Variants in TMED3 observed in about 807,000 individuals in gnomAD.
TMED3 encodes the protein transmembrane p24 trafficking protein 3, also known as transmembrane emp24 domain-containing protein 3.
Under a neutral mutation model 15.0 loss-of-function variants are expected in TMED3, and 9 were observed. The ratio of observed to expected loss-of-function variants is 0.60; its 90% CI spans 0.36 to 1.04. The LOEUF is 1.04. Ranked by LOEUF, TMED3 falls within the 50% of genes least tolerant of loss-of-function variation. TMED3 has a pLI of 0.01. For missense variants in TMED3, 267 were observed against 278.9 expected (o/e 0.96, Z 0.30); for synonymous variants, 117 against 121.4 (o/e 0.96, Z 0.24).
intron 2 of TMED3, among the ~76,000 whole-genome samples, chr15:79,372,152 C>A (rs772829439): frequency 6.6e-5 from 10 of 152,194 alleles, no homozygotes; most frequent in Non-Finnish European, 1.2e-4. Flanking sequence ...TATAATTCTG[C>A]AGTGGCAGTT....
intron 2 of TMED3, among the ~76,000 whole-genome samples, chr15:79,378,879 G>A (rs912413530): frequency 2.6e-5 from 4 of 151,998 alleles, no homozygotes; most frequent in African/African-American, 9.7e-5. Flanking sequence ...TATGGAGGTG[G>A]GAATAGAAAT....
intron 2 of TMED3, chr15:79,383,036 C>G (rs1893563336): frequency 2.0e-6 from 3 of 1,535,398 alleles, no homozygotes; most frequent in Admixed American, 2.0e-5. Flanking sequence ...CTGGGATCTA[C>G]CTGTTCCAAC....
chr15:79,327,498 C>A (rs28709211), downstream of TMED3, among the ~76,000 whole-genome samples: 45,805 of 152,136 alleles, frequency 0.3, 7,103 homozygotes, highest in African/African-American at 0.36. Flanking sequence ...TGGGAAAAGG[C>A]TGGATGTTCT....
chr15:79,337,577 A>G (rs764469460), intron 2 of TMED3, among the ~76,000 whole-genome samples: 1 of 152,236 alleles, frequency 6.6e-6, no homozygotes, highest in Non-Finnish European at 1.5e-5. Flanking sequence ...ATTCTACTAG[A>G]ACCACTATTT....
chr15:79,369,022 G>T (rs1893287794), intron 2 of TMED3, among the ~76,000 whole-genome samples: 3 of 151,560 alleles, frequency 2.0e-5, no homozygotes, highest in Non-Finnish European at 2.9e-5. Flanking sequence ...TTGAACCTCG[G>T]AGGTCAGGTT....
At chr15:79,359,726 C>T (rs367848323) in intron 2 of TMED3, among the ~76,000 whole-genome samples, 2 of 152,016 alleles carry the variant, frequency 1.3e-5, no homozygotes, top group Non-Finnish European at 2.9e-5. Flanking sequence ...AGAGAAAGCA[C>T]GTATAGTATC....
intron 2 of TMED3, chr15:79,382,991 A>T: frequency 8.5e-6 from 13 of 1,535,494 alleles, no homozygotes; most frequent in Non-Finnish European, 1.1e-5. Context: ...CACCAACACC[A>T]ACGCCACCAC....
intron 2 of TMED3, among the ~76,000 whole-genome samples, chr15:79,400,551 A>T (rs765869341): frequency 7.9e-5 from 12 of 152,218 alleles, no homozygotes; most frequent in Non-Finnish European, 1.6e-4. Context: ...TCTAGAGTTG[A>T]TTAGAGCCTT....
At chr15:79,339,781 G>A (rs28613804) in intron 2 of TMED3, among the ~76,000 whole-genome samples, 1 of 151,148 alleles carries the variant, frequency 6.6e-6, no homozygotes, top group African/African-American at 2.4e-5. Flanking sequence ...GTTGATGGTG[G>A]TGATGGCAGT....
intron 2 of TMED3, among the ~76,000 whole-genome samples, chr15:79,402,564 G>A (rs1019835162): frequency 3.3e-5 from 5 of 152,074 alleles, no homozygotes; most frequent in Non-Finnish European, 7.4e-5. Flanking sequence ...TGGATCACGA[G>A]GTCAGGGGTT....
At chr15:79,341,195 CA>C (rs58885572) in intron 2 of TMED3, among the ~76,000 whole-genome samples, 78 of 58,326 alleles carry the variant, frequency 1.3e-3, no homozygotes, top group African/African-American at 4.6e-3. Context: ...GACCCTGTCT[CA>C]AAAAAAAAAA....
intron 2 of TMED3, among the ~76,000 whole-genome samples, chr15:79,377,070 T>A (rs150007533): frequency 6.6e-6 from 1 of 152,306 alleles, no homozygotes; most frequent in African/African-American, 2.4e-5. Context: ...GAGCAGAGAT[T>A]ACAGGTATTA....
chr15:79,399,128 C>T (rs533532113), intron 2 of TMED3, among the ~76,000 whole-genome samples: 25 of 152,288 alleles, frequency 1.6e-4, no homozygotes, highest in Admixed American at 2.6e-4. Context: ...CCAGGCTGGT[C>T]TCAAACTCCT....
At chr15:79,338,901 C>T (rs1009940786) in intron 2 of TMED3, among the ~76,000 whole-genome samples, 69 of 152,138 alleles carry the variant, frequency 4.5e-4, no homozygotes, top group Middle Eastern at 3.4e-3. Context: ...CTAAGCAGAC[C>T]GGGAAAGGGA....
intron 2 of TMED3, among the ~76,000 whole-genome samples, chr15:79,408,654 A>G (rs1893932501): frequency 6.6e-6 from 1 of 152,140 alleles, no homozygotes; most frequent in African/African-American, 2.4e-5. Flanking sequence ...TGGAAGCCAG[A>G]AACCCAGGGT....
chr15:79,387,967 A>G (rs185680277), intron 2 of TMED3, among the ~76,000 whole-genome samples: 68 of 152,252 alleles, frequency 4.5e-4, no homozygotes, highest in African/African-American at 1.5e-3. Flanking sequence ...TAAAAATATT[A>G]AAATTAACTT....
chr15:79,403,742 T>C (rs1310460063), intron 2 of TMED3, among the ~76,000 whole-genome samples: 1 of 152,196 alleles, frequency 6.6e-6, no homozygotes, highest in African/African-American at 2.4e-5. Flanking sequence ...CTCTCCCTTG[T>C]TGGGAATCAC....
Position 79,398,533 on chromosome 15 carries a change from G to A in TMED3, c.418-12867G>A, listed in dbSNP as rs28835050. 1.2e-3 allele frequency among the ~76,000 whole-genome samples: 187 copies of A among 151,060 alleles called. 2 individuals are homozygous for A. Among genetic ancestry groups the A allele is most frequent in the African/African-American group, 4.4e-3 (179 of 41,096 alleles). On this transcript the variant is annotated intron_variant, in intron 2 of 2. Coordinates refer to the TMED3 transcript ENST00000424155. ...ACCGTGGTGTAGATTTCAATTCAAGGCTAAAGGCCTGAGAACGGGAAGCTG... is the reference window on the plus strand; with the variant it reads ...ACCGTGGTGTAGATTTCAATTCAAGACTAAAGGCCTGAGAACGGGAAGCTG...
At chr15:79,413,008 C>G (rs1595915317) in exon 3 of TMED3, 2 of 150,718 alleles carry the variant, frequency 1.3e-5, no homozygotes, top group African/African-American at 2.5e-5. Context: ...TTGAACTCAT[C>G]TTATAACACA....
Sources: allele counts gnomAD v4.1 joint callset (sites outside exome capture counted in the v4.1 genomes callset), GRCh38; gene constraint gnomAD v4.1.1; transcripts MANE v1.5; gene names NCBI Gene and HGNC (gene_info 2026-07-23, HGNC 2026-07-21).